MYT1L: variants seen among roughly 807,000 people sequenced by gnomAD.
The protein encoded by MYT1L is myelin transcription factor 1 like.
A neutral mutation model predicts 126.7 loss-of-function variants in MYT1L; 12 were observed. The ratio of observed to expected loss-of-function variants is 0.09; its 90% CI spans 0.06 to 0.15. MYT1L has a LOEUF of 0.15. Among genes scored for constraint, MYT1L ranks in the 10% least tolerant of loss-of-function variants. The probability of loss-of-function intolerance (pLI) is 1.00; values close to 1 mark genes in which losing one functional copy is unlikely to be tolerated. For missense variants in MYT1L, 979 were observed against 1,585.2 expected (o/e 0.62, Z 6.49); for synonymous variants, 541 against 604.2 (o/e 0.90, Z 1.53).
intron 2 of MYT1L, among the ~76,000 whole-genome samples, chr2:2,273,521 T>TAGG (rs2095305353): frequency 6.6e-6 from 1 of 152,214 alleles, no homozygotes; most frequent in Non-Finnish European, 1.5e-5. Flanking sequence ...GGACCAGTCT[T>TAGG]TGGCCTGGTC....
At chr2:2,250,560 C>CAAAA (rs1230829158) in intron 2 of MYT1L, among the ~76,000 whole-genome samples, 1 of 90,754 alleles carries the variant, frequency 1.1e-5, no homozygotes, top group Non-Finnish European at 2.4e-5. Flanking sequence ...TGAAAGGGTA[C>CAAAA]AAAAAAAAAA....
At chr2:2,202,814 A>C (rs2093142170) in intron 2 of MYT1L, among the ~76,000 whole-genome samples, 1 of 152,200 alleles carries the variant, frequency 6.6e-6, no homozygotes, top group Non-Finnish European at 1.5e-5. Flanking sequence ...GCAGAGACAC[A>C]ACAAAAAAAG....
intron 3 of MYT1L, among the ~76,000 whole-genome samples, chr2:2,145,291 A>G (rs2084708965): frequency 6.6e-6 from 1 of 152,236 alleles, no homozygotes; most frequent in African/African-American, 2.4e-5. Flanking sequence ...CGTCTGGGGC[A>G]TAGAAGTGCC....
chr2:2,001,785 T>C (rs1185530298), intron 4 of MYT1L, among the ~76,000 whole-genome samples: 1 of 152,200 alleles, frequency 6.6e-6, no homozygotes, highest in East Asian at 1.9e-4. Flanking sequence ...GCATGACCTC[T>C]TAGCACCTCA....
chr2:2,102,542 A>G (rs1468755843), intron 3 of MYT1L, among the ~76,000 whole-genome samples: 1 of 152,020 alleles, frequency 6.6e-6, no homozygotes, highest in Non-Finnish European at 1.5e-5. Flanking sequence ...TTATTACAGA[A>G]AAGGTTGTCT....
At chr2:2,202,809 GAC>G in intron 2 of MYT1L, among the ~76,000 whole-genome samples, 1 of 152,058 alleles carries the variant, frequency 6.6e-6, no homozygotes, top group Non-Finnish European at 1.5e-5. Flanking sequence ...GCCTGGCAGA[GAC>G]ACAACAAAAA....
chr2:2,283,970 T>C (rs1462336125), intron 2 of MYT1L, among the ~76,000 whole-genome samples: 1 of 152,170 alleles, frequency 6.6e-6, no homozygotes, highest in African/African-American at 2.4e-5. Context: ...ATGTCTGCAA[T>C]GTGGCCTCAC....
At chr2:1,965,621 C>T (rs769903682) in intron 8 of MYT1L, among the ~76,000 whole-genome samples, 28 of 152,220 alleles carry the variant, frequency 1.8e-4, no homozygotes, top group Non-Finnish European at 3.2e-4. Flanking sequence ...CTTTTTCACA[C>T]GCGGGAAGCC....
At chr2:2,155,125 CTCAATCAA>C (rs150086146) in intron 3 of MYT1L, among the ~76,000 whole-genome samples, 6,512 of 152,112 alleles carry the variant, frequency 0.043, 200 homozygotes, top group Non-Finnish European at 0.066. Flanking sequence ...GAAACTCCAT[CTCAATCAA>C]TCAATCAATC....
intron 1 of MYT1L, among the ~76,000 whole-genome samples, chr2:2,304,580 T>G (rs1211293373): frequency 2.0e-5 from 3 of 152,338 alleles, no homozygotes; most frequent in Non-Finnish European, 4.4e-5. Flanking sequence ...AGCTTGCTTG[T>G]GGTGAAGTTT....
At position 1,789,399 on chromosome 2, in the gene MYT1L, C is replaced by A. The variant is rs1465719623; in HGVS notation, c.*2468G>T. 1 of 152,068 alleles carries A rather than the reference C, an allele frequency of 6.6e-6. No homozygotes were observed. Among genetic ancestry groups the A allele is most frequent in the Admixed American group, 6.6e-5 (1 of 15,264 alleles). 9.4% of individuals were successfully genotyped at this position (152,068 alleles called of 1,614,324 possible). A position where few individuals can be genotyped will look rare whatever the true frequency, so the allele number is the denominator to read the frequency against. On this transcript the variant is annotated 3_prime_UTR_variant, in exon 25 of 25. Coordinates refer to ENST00000647738, the MANE Select transcript of MYT1L (RefSeq NM_001303052.2). ...AAATTAACTTAGAAATGAATATGAA[C>A]AATAAGTTATAATAAACTCTGATGA...
At chr2:2,018,617 A>G (rs1409528528) in intron 4 of MYT1L, among the ~76,000 whole-genome samples, 4 of 152,226 alleles carry the variant, frequency 2.6e-5, no homozygotes, top group Non-Finnish European at 5.9e-5. Context: ...GGCATGGTGC[A>G]TGCTGCAAAG....
At position 1,917,377 on chromosome 2, in the gene MYT1L, A is replaced by T; in HGVS notation, c.1484-38T>A. On this transcript the variant is annotated intron_variant, in intron 10 of 24. Transcript: ENST00000647738. This position sits in a 1 kb window ranked among gnomAD's most constrained non-coding sequence, Gnocchi z 5.9. The stretch of plus-strand genomic sequence containing the variant: ...ACAGGTGCCAAGAGAATAAATGTTT[A>T]CCAATCAAAGACAAATGTGATTATT... 6.4e-7 allele frequency: 1 copy of T among 1,567,876 alleles called. No homozygotes were observed. The highest frequency in any genetic ancestry group is 8.7e-7 in the Non-Finnish European group (1 of 1,152,008).
At chr2:1,895,734 T>C (rs2049481509) in intron 14 of MYT1L, among the ~76,000 whole-genome samples, 1 of 152,178 alleles carries the variant, frequency 6.6e-6, no homozygotes, top group African/African-American at 2.4e-5. Flanking sequence ...TATAAAAATC[T>C]GAGAAGAAAA....
intron 23 of MYT1L, among the ~76,000 whole-genome samples, chr2:1,797,707 A>C (rs2033890422): frequency 6.6e-6 from 1 of 152,254 alleles, no homozygotes; most frequent in African/African-American, 2.4e-5. Context: ...ATTAAATAAA[A>C]TTGCGTTTGT....
At chr2:1,999,701 G>A (rs949693593) in intron 4 of MYT1L, among the ~76,000 whole-genome samples, 2 of 152,184 alleles carry the variant, frequency 1.3e-5, no homozygotes, top group African/African-American at 4.8e-5. Context: ...TTTTCATGCT[G>A]TGACATATGT....
intron 2 of MYT1L, among the ~76,000 whole-genome samples, chr2:2,196,250 G>A (rs546056914): frequency 6.7e-6 from 1 of 150,016 alleles, no homozygotes; most frequent in Non-Finnish European, 1.5e-5. Flanking sequence ...TGCCTATGTG[G>A]GTGAAAAAAA....
At chr2:2,204,414 A>G (rs1405411887) in intron 2 of MYT1L, among the ~76,000 whole-genome samples, 1 of 151,244 alleles carries the variant, frequency 6.6e-6, no homozygotes, top group South Asian at 2.1e-4. Flanking sequence ...CAAATTTACA[A>G]GAAAAAAACA....
At chr2:2,162,042 C>T (rs1032941801) in intron 3 of MYT1L, among the ~76,000 whole-genome samples, 1 of 152,168 alleles carries the variant, frequency 6.6e-6, no homozygotes, top group African/African-American at 2.4e-5. Context: ...TGTCCAATTT[C>T]ACAGACCAGT....
Sources: allele counts gnomAD v4.1 joint callset (sites outside exome capture counted in the v4.1 genomes callset), GRCh38; gene constraint gnomAD v4.1.1; non-coding constraint Gnocchi (gnomAD v3.1); transcripts MANE v1.5; gene names NCBI Gene and HGNC (gene_info 2026-07-23, HGNC 2026-07-21).